LINGO2: variants seen among roughly 807,000 people sequenced by gnomAD.
LINGO2 encodes the protein leucine-rich repeat and immunoglobulin-like domain-containing nogo receptor-interacting protein 2.
Under a neutral mutation model 30.6 loss-of-function variants are expected in LINGO2, and 14 were observed. The ratio of observed to expected loss-of-function variants is 0.46; its 90% confidence interval spans 0.30 to 0.72. LINGO2 has a LOEUF of 0.72. Ranked by LOEUF, LINGO2 falls within the 30% of genes least tolerant of loss-of-function variation. The probability of loss-of-function intolerance (pLI) is 0.07; values close to 1 mark genes in which losing one functional copy is unlikely to be tolerated. For synonymous variants in LINGO2, 317 were observed against 288.5 expected (o/e 1.10, Z -1.00); for missense variants, 729 against 751.7 (o/e 0.97, Z 0.35).
At chr9:28,960,955 C>T in the LINGO2 span, among the ~76,000 whole-genome samples, 1 of 151,950 alleles carries the variant, frequency 6.6e-6, no homozygotes, top group African/African-American at 2.4e-5. Context: ...CACTACTAAT[C>T]ACAAGGTCTA....
chr9:28,921,503 T>C, the LINGO2 span, among the ~76,000 whole-genome samples: 3 of 152,202 alleles, frequency 2.0e-5, no homozygotes, highest in African/African-American at 7.2e-5. Context: ...GAAAAAGGTA[T>C]TCTTTTTTCA....
At chr9:29,134,844 G>T in the LINGO2 span, among the ~76,000 whole-genome samples, 1 of 151,702 alleles carries the variant, frequency 6.6e-6, no homozygotes, top group African/African-American at 2.4e-5. Context: ...CAATGTAAAG[G>T]TATAAATCTT....
intron 4 of LINGO2, among the ~76,000 whole-genome samples, chr9:28,290,501 C>T (rs1323001907): frequency 6.6e-6 from 1 of 152,158 alleles, no homozygotes; most frequent in East Asian, 1.9e-4. Context: ...GCACAGAAAG[C>T]CAATCACTGA....
chr9:28,270,129 C>G (rs1036096788), intron 4 of LINGO2, among the ~76,000 whole-genome samples: 2 of 152,068 alleles, frequency 1.3e-5, no homozygotes, highest in Non-Finnish European at 1.5e-5. Context: ...TCACTGAGTT[C>G]GGCAAAGTGA....
At chr9:28,784,264 T>G in the LINGO2 span, among the ~76,000 whole-genome samples, 6 of 152,202 alleles carry the variant, frequency 3.9e-5, no homozygotes, top group Non-Finnish European at 8.8e-5. Flanking sequence ...TACACAGTAA[T>G]GTGTTAGATT....
At chr9:29,128,720 C>A in the LINGO2 span, among the ~76,000 whole-genome samples, 5 of 152,086 alleles carry the variant, frequency 3.3e-5, no homozygotes, top group African/African-American at 1.2e-4. Flanking sequence ...CCATGTAAAA[C>A]CAGTGAGTTT....
intron 3 of LINGO2, among the ~76,000 whole-genome samples, chr9:28,358,707 T>C (rs1244249601): frequency 1.3e-5 from 2 of 152,168 alleles, no homozygotes; most frequent in Non-Finnish European, 2.9e-5. Flanking sequence ...GTGGTGGCAG[T>C]GGTACCCAGA....
chr9:29,158,245 A>G, the LINGO2 span, among the ~76,000 whole-genome samples: 1 of 151,992 alleles, frequency 6.6e-6, no homozygotes, highest in Non-Finnish European at 1.5e-5. Flanking sequence ...AGTCCCAGCT[A>G]CTTGGGAGGC....
the LINGO2 span, among the ~76,000 whole-genome samples, chr9:29,078,078 C>T: frequency 6.6e-6 from 1 of 151,906 alleles, no homozygotes; most frequent in Non-Finnish European, 1.5e-5. Flanking sequence ...TAAGCATATA[C>T]TTAACTGATG....
Position 28,214,389 on chromosome 9 carries a change from C to T in LINGO2, c.-87+80819G>A, listed in dbSNP as rs953252944. On this transcript the variant is annotated intron_variant, in intron 4 of 5. Coordinates refer to ENST00000379992, the Ensembl canonical transcript of LINGO2. ...GTGTCAGTTTGCAAAGTCTTGTCTA[C>T]ACTTGAAAATACACTAAAGGATTCT... is the stretch of plus-strand genomic sequence containing the variant. Among the ~76,000 whole-genome samples the T allele has an allele frequency of 2.0e-5, 3 of 151,700 alleles. No homozygotes were observed. In the East Asian group the frequency reaches 5.8e-4, roughly 29 times the overall value.
the LINGO2 span, among the ~76,000 whole-genome samples, chr9:29,193,000 T>C: frequency 1.3e-5 from 2 of 152,192 alleles, no homozygotes; most frequent in African/African-American, 4.8e-5. Context: ...GCTCACTTTT[T>C]ACCATTCATC....
chr9:28,079,258 T>G (rs1340166221), intron 4 of LINGO2, among the ~76,000 whole-genome samples: 1 of 152,084 alleles, frequency 6.6e-6, no homozygotes, highest in African/African-American at 2.4e-5. Context: ...TGAGTAAAAT[T>G]TAACTTAGCA....
chr9:28,776,832 T>G, the LINGO2 span, among the ~76,000 whole-genome samples: 1 of 148,560 alleles, frequency 6.7e-6, no homozygotes, highest in African/African-American at 2.5e-5. Context: ...AGCTGCCTCT[T>G]TTTTTTTTTT....
At chr9:28,222,269 G>A (rs566915495) in intron 4 of LINGO2, among the ~76,000 whole-genome samples, 10 of 152,042 alleles carry the variant, frequency 6.6e-5, no homozygotes, top group Admixed American at 2.6e-4. Flanking sequence ...TTTAAATATT[G>A]CTGTAACTTG....
chr9:28,054,907 CCT>C, intron 4 of LINGO2, among the ~76,000 whole-genome samples: 1 of 152,132 alleles, frequency 6.6e-6, no homozygotes, highest in Middle Eastern at 3.4e-3. Context: ...TTCACATATT[CCT>C]GTTTTTTGTA....
intron 5 of LINGO2, among the ~76,000 whole-genome samples, chr9:27,998,992 G>A (rs1053590261): frequency 3.5e-4 from 54 of 152,212 alleles, no homozygotes; most frequent in African/African-American, 1.3e-3. Flanking sequence ...ACCCAGAGTT[G>A]TCTCTTACTT....
intron 3 of LINGO2, among the ~76,000 whole-genome samples, chr9:28,315,602 T>TA (rs1387927941): frequency 6.6e-6 from 1 of 152,074 alleles, no homozygotes; most frequent in Admixed American, 6.6e-5. Context: ...TAGGTTTTAA[T>TA]AAAAAGAAGG....
intron 2 of LINGO2, among the ~76,000 whole-genome samples, chr9:28,382,795 C>A (rs1419075240): frequency 6.6e-6 from 1 of 152,042 alleles, no homozygotes; most frequent in Admixed American, 6.6e-5. Flanking sequence ...TTTTCTTAAT[C>A]TGTAAAATGG....
the LINGO2 span, among the ~76,000 whole-genome samples, chr9:29,030,572 C>T: frequency 3.3e-5 from 5 of 152,176 alleles, no homozygotes; most frequent in African/African-American, 9.6e-5. Flanking sequence ...AAGAGTACTT[C>T]CTCTTGGTAG....
Sources: gnomAD v4.1 joint callset for allele counts (sites outside exome capture counted in the v4.1 genomes callset) on GRCh38, gnomAD v4.1.1 for gene constraint, MANE v1.5 for transcripts, NCBI Gene and HGNC (gene_info 2026-07-23, HGNC 2026-07-21) for gene names.